The following KATNIP variants were observed in gnomAD, a reference collection of about 807,000 sequenced individuals.
KATNIP encodes the protein katanin interacting protein.
Under a neutral mutation model 174.0 loss-of-function variants are expected in KATNIP, and 126 were observed. That is an observed-to-expected ratio of 0.72 (90% CI 0.63 to 0.84). The LOEUF (loss-of-function observed/expected upper bound fraction) is 0.84. Ranked by LOEUF, KATNIP falls within the 40% of genes least tolerant of loss-of-function variation. KATNIP has a pLI of 0.00. For synonymous variants in KATNIP, 810 were observed against 835.7 expected, an observed-to-expected ratio of 0.97 and a Z score of 0.53; for missense variants, 1,958 against 2,109.7, an observed-to-expected ratio of 0.93 and a Z score of 1.41.
intron 2 of KATNIP, among the ~76,000 whole-genome samples, chr16:27,599,839 G>GTT (rs1468128453): frequency 6.6e-6 from 1 of 152,136 alleles, no homozygotes; most frequent in East Asian, 1.9e-4. Context: ...CCTCAGTCCC[G>GTT]TGTCAGTCTC....
At chr16:27,555,516 A>G (rs1309342857) in intron 1 of KATNIP, among the ~76,000 whole-genome samples, 4 of 152,192 alleles carry the variant, frequency 2.6e-5, no homozygotes, top group Admixed American at 6.5e-5. Context: ...CTTCAATGAA[A>G]CAATGCATCA....
Position 27,653,911 on chromosome 16 carries a change from C to T in KATNIP, c.540+5176C>T, listed in dbSNP as rs1375831016. On this transcript the variant is annotated intron_variant, in intron 6 of 27. Coordinates refer to ENST00000261588, the MANE Select transcript of KATNIP (RefSeq NM_015202.5). Reference sequence around the variant, plus strand: ...TCTTGAACTCCTGGGCTCAAGCAATCCTCCTGCCTCAGCCTCCCAAATTTC... The same window carrying T: ...TCTTGAACTCCTGGGCTCAAGCAATTCTCCTGCCTCAGCCTCCCAAATTTC... Among the ~76,000 whole-genome samples, 4 of 152,188 alleles carry T rather than the reference C, an allele frequency of 2.6e-5. No individual in the cohort carries two copies. In the South Asian group the frequency reaches 8.3e-4, roughly 32 times the overall value.
At chr16:27,557,227 C>T (rs898726716) in intron 1 of KATNIP, among the ~76,000 whole-genome samples, 6 of 151,676 alleles carry the variant, frequency 4.0e-5, no homozygotes, top group Non-Finnish European at 5.9e-5. Context: ...CTGCATCCTC[C>T]GCCTCCCGAG....
chr16:27,648,220 G>A (rs932685562), intron 5 of KATNIP, among the ~76,000 whole-genome samples: 1 of 151,872 alleles, frequency 6.6e-6, no homozygotes, highest in Admixed American at 6.6e-5. Flanking sequence ...TTGAACCTAG[G>A]AGGTAGAGGT....
intron 2 of KATNIP, among the ~76,000 whole-genome samples, chr16:27,586,051 GATC>G (rs745320616): frequency 1.3e-5 from 2 of 152,146 alleles, no homozygotes; most frequent in Non-Finnish European, 2.9e-5. Flanking sequence ...AGTGAGCCGA[GATC>G]ATGCCAATGC....
At chr16:27,556,863 T>G (rs1165965756) in intron 1 of KATNIP, among the ~76,000 whole-genome samples, 1 of 152,190 alleles carries the variant, frequency 6.6e-6, no homozygotes, top group Non-Finnish European at 1.5e-5. Flanking sequence ...CATAGACTCT[T>G]TGTGTCTGTT....
intron 5 of KATNIP, among the ~76,000 whole-genome samples, chr16:27,646,367 G>A (rs973645005): frequency 1.3e-5 from 2 of 152,164 alleles, no homozygotes; most frequent in Non-Finnish European, 2.9e-5. Flanking sequence ...AGGAATCCAG[G>A]GCTGTTCTCA....
intron 12 of KATNIP, among the ~76,000 whole-genome samples, chr16:27,705,532 T>C (rs1403119298): frequency 6.6e-6 from 1 of 152,070 alleles, no homozygotes; most frequent in East Asian, 1.9e-4. Context: ...CACAGGCCAC[T>C]GTGAGGATGA....
At chr16:27,774,804 A>T in intron 23 of KATNIP, 141 bp from the exon 24 acceptor site, 1 of 938,964 alleles carries the variant, frequency 1.1e-6, no homozygotes, top group Non-Finnish European at 1.6e-6. Context: ...GGACACGTCC[A>T]ATTCAGCTGT....
chr16:27,585,564 C>T (rs1274814799), intron 2 of KATNIP, among the ~76,000 whole-genome samples: 1 of 152,198 alleles, frequency 6.6e-6, no homozygotes, highest in Admixed American at 6.5e-5. Context: ...GTGGTACACA[C>T]ACACAATGGA....
At chr16:27,578,071 T>C (rs1483136766) in intron 2 of KATNIP, among the ~76,000 whole-genome samples, 1 of 152,152 alleles carries the variant, frequency 6.6e-6, no homozygotes, top group Non-Finnish European at 1.5e-5. Flanking sequence ...TCAAAATATG[T>C]GGGTGTGCAA....
chr16:27,767,636 C>G (rs570871989), intron 20 of KATNIP, among the ~76,000 whole-genome samples: 70 of 152,170 alleles, frequency 4.6e-4, no homozygotes, highest in Non-Finnish European at 9.1e-4. Context: ...ATCTCTTGAG[C>G]CCAGGTTGAG....
chr16:27,773,736 C>G (rs2082392421), intron 23 of KATNIP, among the ~76,000 whole-genome samples: 1 of 152,206 alleles, frequency 6.6e-6, no homozygotes, highest in Non-Finnish European at 1.5e-5. Context: ...ATTGGCAACA[C>G]AGGCCCTTGA....
intron 2 of KATNIP, among the ~76,000 whole-genome samples, chr16:27,575,406 T>C (rs931401477): frequency 1.3e-5 from 2 of 152,166 alleles, no homozygotes; most frequent in African/African-American, 4.8e-5. Flanking sequence ...CTTATGAGAA[T>C]ATAAAATTGA....
At chr16:27,622,019 C>T (rs927493387) in intron 3 of KATNIP, among the ~76,000 whole-genome samples, 7 of 152,020 alleles carry the variant, frequency 4.6e-5, no homozygotes, top group Non-Finnish European at 2.9e-5. Context: ...GGTGAGATGG[C>T]GCAGTCTACT....
intron 10 of KATNIP, among the ~76,000 whole-genome samples, chr16:27,699,915 ATTTT>A (rs1021298684): frequency 1.3e-5 from 2 of 150,118 alleles, no homozygotes; most frequent in East Asian, 1.9e-4. Flanking sequence ...TATTTTATTT[ATTTT>A]TTTTTTTTTG....
intron 12 of KATNIP, among the ~76,000 whole-genome samples, chr16:27,707,000 G>A (rs191820457): frequency 8.0e-4 from 122 of 152,318 alleles, no homozygotes; most frequent in Non-Finnish European, 1.2e-3. Flanking sequence ...TGTGGGTTTC[G>A]AGGGCCCAGC....
chr16:27,751,744 C>T lies in KATNIP; in HGVS notation c.3372C>T (p.Ile1124=). ...AGAPEHFGDT[I]LFTTDDDILE... ...CCCCAGAGCACTTTGGAGACACGAT[C>T]TTATTCACAACCGATGATGACATTC... The change falls in exon 17 of 28, where the codon ATC becomes ATT. Residue 1124 remains isoleucine (I), a synonymous_variant. Transcript: ENST00000261588. 3 of 1,614,238 alleles carry T rather than the reference C, an allele frequency of 1.9e-6. No homozygotes were observed. The highest frequency in any genetic ancestry group is 2.5e-6 in the Non-Finnish European group (3 of 1,180,044).
At chr16:27,750,409 C>CTTT (rs1225960732) in intron 16 of KATNIP, 103 bp downstream of exon 16, 10 of 1,092,384 alleles carry the variant, frequency 9.2e-6, no homozygotes, top group Non-Finnish European at 1.3e-5. Context: ...CAGATCAGTC[C>CTTT]TTTCTCTTTC....
Sources: gnomAD v4.1 joint callset for allele counts (sites outside exome capture counted in the v4.1 genomes callset) on GRCh38, gnomAD v4.1.1 for gene constraint, MANE v1.5 for transcripts, NCBI Gene and HGNC (gene_info 2026-07-23, HGNC 2026-07-21) for gene names.